The following TTN variants were observed in gnomAD, a reference collection of about 807,000 sequenced individuals.
TTN encodes the protein titin.
Under a neutral mutation model 3,223.0 loss-of-function variants are expected in TTN, and 1,525 were observed. The ratio of observed to expected loss-of-function variants is 0.47; its 90% CI spans 0.45 to 0.49. TTN has a LOEUF of 0.49. TTN is among the 20% of genes least tolerant of loss of function. TTN has a pLI of 0.00. For synonymous variants in TTN, 14,094 were observed against 15,161.0 expected (o/e 0.93, Z 5.17); for missense variants, 40,786 against 43,424.0 (o/e 0.94, Z 5.40).
chr2:178,635,969 C>A lies in TTN; in HGVS notation c.41602G>T (p.Val13868Leu). The A allele has an allele frequency of 6.3e-7, 1 of 1,594,300 alleles. No individual in the cohort carries two copies. The change falls in exon 226 of 363, where the codon GTA (valine) becomes TTA (leucine). Residue 13868 changes from valine (V) to leucine (L), a missense_variant. Transcript: ENST00000589042. Reference sequence around the variant, plus strand: ...CTCCCAGGAAAGTACTAACCTACTACTTTTACGCAAGATGAACACTCCAGG... The same window carrying A: ...CTCCCAGGAAAGTACTAACCTACTAATTTTACGCAAGATGAACACTCCAGG... Reference protein sequence around the residue: ...NNLECSSCVKVVEVIRDWLVK... With the variant: ...NNLECSSCVKLVEVIRDWLVK...
chr2:178,618,676 A>G lies in TTN; in HGVS notation c.46874T>C (p.Leu15625Ser). The change falls in exon 251 of 363, where the codon TTA becomes TCA. Residue 15625 changes from leucine to serine, a missense_variant. Leu to Ser is a moderately radical substitution (Grantham distance 145). Coordinates refer to ENST00000589042, the MANE Select transcript of TTN (RefSeq NM_001267550.2). Reference sequence around the variant, plus strand: ...CCCTTTGTCTCCTTTCTTGGCTTCTAAAATTCTGAAAGAAGTTTGTTCAGC... The same window carrying G: ...CCCTTTGTCTCCTTTCTTGGCTTCTGAAATTCTGAAAGAAGTTTGTTCAGC... ...TTAEQTSFRI[L>S]EAKKGDKGRY... 6.2e-7 allele frequency: 1 copy of G among 1,612,216 alleles called. No individual in the cohort carries two copies.
At chr2:178,606,059 C>T (rs1490668868) in intron 278 of TTN, among the ~76,000 whole-genome samples, 2 of 151,964 alleles carry the variant, frequency 1.3e-5, no homozygotes, top group Non-Finnish European at 2.9e-5. Context: ...TTTGAATGAC[C>T]AGCTGAGAGC....
chr2:178,622,839 T>G, intron 242 of TTN, 72 bp from the exon 243 acceptor site: 1 of 1,184,290 alleles, frequency 8.4e-7, no homozygotes. Flanking sequence ...ATAGTATACA[T>G]TAAGAAAAAG....
intron 92 of TTN, chr2:178,713,606 G>T: frequency 1.4e-6 from 1 of 728,048 alleles, no homozygotes; most frequent in Non-Finnish European, 2.1e-6. Context: ...TCTTTGCCGT[G>T]AAGAATTATG....
At position 178,630,310 on chromosome 2, in the gene TTN, G is replaced by C. The variant is rs2154219916; in HGVS notation, c.44212C>G (p.Leu14738Val). 6.2e-7 allele frequency: 1 copy of C among 1,613,058 alleles called. No individual in the cohort carries two copies. Among genetic ancestry groups the C allele is most frequent in the Non-Finnish European group, 8.5e-7 (1 of 1,179,422 alleles). Reference sequence around the variant, plus strand: ...AAATCCACCCCACCCGTCTGGTCCAGGCGACAGTTGTGCAAAACAAGGGAG... The same window carrying C: ...AAATCCACCCCACCCGTCTGGTCCACGCGACAGTTGTGCAAAACAAGGGAG... The part of the protein sequence containing the change: ...IHSLVLHNCR[L>V]DQTGGVDFQA... The change falls in exon 239 of 363, where the codon CTG becomes GTG. Residue 14738 changes from leucine (L) to valine (V), a missense_variant. Leu to Val is a conservative substitution (Grantham distance 32). Transcript: ENST00000589042.
rs1578219425 is a variant in TTN at position 178,735,006 on chromosome 2, A to G, written c.14936-18T>C. The G allele has an allele frequency of 6.6e-7, 1 of 1,516,720 alleles. No homozygotes were observed. The highest frequency in any genetic ancestry group is 8.8e-7 in the Non-Finnish European group (1 of 1,132,352). 94.0% of individuals were successfully genotyped at this position (1,516,720 alleles called of 1,614,324 possible). A position where few individuals can be genotyped will look rare whatever the true frequency, so the allele number is the denominator to read the frequency against. On this transcript the variant is annotated intron_variant, in intron 50 of 362. Coordinates refer to ENST00000589042, the MANE Select transcript of TTN (RefSeq NM_001267550.2). ...TGGTGGCTCTACATGAAGTTTACAA[A>G]AAAGAAAAAGGAGAAGATATCTGAA...
At chr2:178,791,862 A>G (rs2093522742) in intron 10 of TTN, among the ~76,000 whole-genome samples, 2 of 152,150 alleles carry the variant, frequency 1.3e-5, no homozygotes, top group Admixed American at 1.3e-4. Flanking sequence ...TCTGTAGACA[A>G]TCTCCTGAAA....
In TTN at chr2:178,557,910, A is replaced by G. The variant is rs1223481635; in HGVS notation, c.87444T>C (p.Ser29148=). 1 of 1,613,282 alleles carries G rather than the reference A, an allele frequency of 6.2e-7. No homozygotes were observed. Among genetic ancestry groups the G allele is most frequent in the East Asian group, 2.2e-5 (1 of 44,888 alleles). ...PGPPTGPVVI[S]DITEESVTLK... ...GAGTCACACTTTCTTCAGTTATATC[A>G]CTAATAACAACAGGGCCAGTTGGAG... The change falls in exon 328 of 363, where the codon AGT becomes AGC. Residue 29148 remains serine, a synonymous_variant. Coordinates refer to ENST00000589042, the MANE Select transcript of TTN (RefSeq NM_001267550.2).
chr2:178,591,134 C>G lies in TTN; in HGVS notation c.60591G>C (p.Lys20197Asn). ...TTATCACAGGGCTTCCTCCATCATC[C>G]TTAGGTGGCTGCCATGAGATAGTCA... The part of the protein sequence containing the change: ...EHMTISWQPP[K>N]DDGGSPVINY... The change falls in exon 304 of 363, where the codon AAG becomes AAC. Residue 20197 changes from lysine (K) to asparagine (N), a missense_variant. Lys to Asn is a moderately conservative substitution (Grantham distance 94, BLOSUM62 0). Coordinates refer to ENST00000589042, the MANE Select transcript of TTN (RefSeq NM_001267550.2). 1 of 1,613,242 alleles carries G rather than the reference C, an allele frequency of 6.2e-7. No homozygotes were observed. Among genetic ancestry groups the G allele is most frequent in the Non-Finnish European group, 8.5e-7 (1 of 1,179,508 alleles).
At chr2:178,790,564 C>A in intron 11 of TTN, 144 bp downstream of exon 11, 1 of 1,245,364 alleles carries the variant, frequency 8.0e-7, no homozygotes. Flanking sequence ...TGAAAGGTAG[C>A]TGTGTGGGAA....
intron 233 of TTN, 32 bp from the exon 234 acceptor site, chr2:178,633,076 G>T: frequency 6.2e-7 from 1 of 1,606,608 alleles, no homozygotes; most frequent in Non-Finnish European, 8.5e-7. Flanking sequence ...AGGAAAGAAA[G>T]AACATCATTT....
At position 178,621,112 on chromosome 2, in the gene TTN, C is replaced by T. The variant is rs397517581; in HGVS notation, c.45606G>A (p.Leu15202=). Reference sequence around the variant, plus strand: ...CAAGAACAAACTTACCAATGACTGTCAAGTGAGCTGCTGCTCTGGCGGCCC... The same window carrying T: ...CAAGAACAAACTTACCAATGACTGTTAAGTGAGCTGCTGCTCTGGCGGCCC... ...MVGAARAAAH[L]TVIEKLRIVV... Residue 15202 remains leucine, a synonymous_variant, in exon 246 of 363, where the codon TTG becomes TTA. Transcript: ENST00000589042. 6.2e-7 allele frequency: 1 copy of T among 1,612,260 alleles called. No individual in the cohort carries two copies. The highest frequency in any genetic ancestry group is 1.1e-5 in the South Asian group (1 of 90,900).
In TTN at chr2:178,774,100, A is replaced by G; in HGVS notation, c.7068T>C (p.Ile2356=). Residue 2356 remains isoleucine, a synonymous_variant, in exon 31 of 363, where the codon ATT becomes ATC. Coordinates refer to ENST00000589042, the MANE Select transcript of TTN (RefSeq NM_001267550.2). ...TCKLKMKPRP[I]AILQGLSDQK... is the part of the protein sequence containing the mutation. ...GGTCACTAAGTCCTTGTAGGATAGC[A>G]ATGGGGCGGGCTGTGAAATATGGGG... 6.2e-7 allele frequency: 1 copy of G among 1,614,082 alleles called. No homozygotes were observed. Among genetic ancestry groups the G allele is most frequent in the Non-Finnish European group, 8.5e-7 (1 of 1,179,978 alleles).
rs778626149 is a variant in TTN at position 178,792,223 on chromosome 2, C to T, written c.1537-26G>A. On this transcript the variant is annotated intron_variant, in intron 9 of 362. Transcript: ENST00000589042. ...CTGCAAAGAATGATTTAAGAAAAAA[C>T]TTTATTTCCTGATGCCCAATGAAAT... 8 of 1,590,974 alleles carry T rather than the reference C, an allele frequency of 5.0e-6. No individual in the cohort carries two copies. In the Admixed American group the frequency reaches 1.2e-4, roughly 24 times the overall value.
intron 164 of TTN, 75 bp from the exon 165 acceptor site, chr2:178,665,535 G>A (rs2065779300): frequency 6.7e-7 from 1 of 1,501,816 alleles, no homozygotes. Context: ...CTGAACCAAA[G>A]TGATATTTAT....
At position 178,780,077 on chromosome 2, in the gene TTN, A is replaced by G. The variant is rs2092629302; in HGVS notation, c.3652T>C (p.Tyr1218His). Residue 1218 changes from tyrosine (Y) to histidine (H), a missense_variant, in exon 22 of 363, where the codon TAT becomes CAT. Physicochemically the swap from Tyr to His is moderately conservative, Grantham distance 83 (BLOSUM62 2). Coordinates refer to ENST00000589042, the MANE Select transcript of TTN (RefSeq NM_001267550.2). The part of the protein sequence containing the change: ...GFVYSEYEKE[Y>H]EKEQALIRKK... Reference sequence around the variant, plus strand: ...CTAATTAAGGCTTGTTCTTTTTCATACTCTTTTTCATACTCAGAGTATACA... The same window carrying G: ...CTAATTAAGGCTTGTTCTTTTTCATGCTCTTTTTCATACTCAGAGTATACA... 3 of 1,613,236 alleles carry G rather than the reference A, an allele frequency of 1.9e-6. No homozygotes were observed. The South Asian group carries it at 3.3e-5, about 18-fold the overall frequency.
chr2:178,800,907 T>G (rs1211407812), intron 3 of TTN, among the ~76,000 whole-genome samples: 1 of 152,234 alleles, frequency 6.6e-6, no homozygotes, highest in Admixed American at 6.5e-5. Flanking sequence ...TGCTTTGTTT[T>G]GCTGAGCAGT....
rs876658106 is a variant in TTN at position 178,746,016 on chromosome 2, C to A, written c.11312-4095G>T. The A allele has an allele frequency of 8.7e-6, 14 of 1,613,294 alleles. No homozygotes were observed. The highest frequency in any genetic ancestry group is 1.1e-5 in the Non-Finnish European group (13 of 1,179,478). ...ATGGTGAGGAATCCCCGACAGATAG[C>A]CTCTCCTACACAATTCACAGCTCTG... On this transcript the variant is annotated intron_variant, in intron 47 of 362. Transcript: ENST00000589042.
intron 47 of TTN, chr2:178,747,923 A>G (rs772154512): frequency 6.2e-7 from 1 of 1,613,042 alleles, no homozygotes; most frequent in Non-Finnish European, 8.5e-7. Context: ...ACTCAGGGAG[A>G]GCTGTCTATG....
Sources: allele counts gnomAD v4.1 joint callset (sites outside exome capture counted in the v4.1 genomes callset), GRCh38; gene constraint gnomAD v4.1.1; transcripts MANE v1.5; gene names NCBI Gene and HGNC (gene_info 2026-07-23, HGNC 2026-07-21).